Variants in MYO5B observed in about 807,000 individuals in gnomAD.
The protein encoded by MYO5B is myosin VB, also known as unconventional myosin-Vb.
In MYO5B, 143 loss-of-function variants were observed where a neutral mutation model predicts 229.3. The observed-to-expected ratio is 0.62, with a 90% CI of 0.54 to 0.72. The LOEUF is 0.72. Ranked by LOEUF, MYO5B falls within the 30% of genes least tolerant of loss-of-function variation. The probability of loss-of-function intolerance (pLI) is 0.00; values close to 1 mark genes in which losing one functional copy is unlikely to be tolerated. For synonymous variants in MYO5B, 918 were observed against 885.2 expected (o/e 1.04, Z -0.66); for missense variants, 2,321 against 2,331.0 (o/e 1.00, Z 0.09).
At chr18:50,056,104 A>G (rs954790519) in intron 1 of MYO5B, among the ~76,000 whole-genome samples, 29 of 152,170 alleles carry the variant, frequency 1.9e-4, no homozygotes, top group African/African-American at 6.5e-4. Flanking sequence ...CCATAAACCC[A>G]AAACTTTCAC....
At chr18:50,082,116 A>C (rs1245293014) in intron 1 of MYO5B, among the ~76,000 whole-genome samples, 1 of 152,250 alleles carries the variant, frequency 6.6e-6, no homozygotes, top group Non-Finnish European at 1.5e-5. Context: ...TCATAGATTA[A>C]GGTAGCCTCA....
chr18:50,085,535 T>C (rs1202472536), intron 1 of MYO5B, among the ~76,000 whole-genome samples: 1 of 152,010 alleles, frequency 6.6e-6, no homozygotes, highest in Non-Finnish European at 1.5e-5. Context: ...GAACTAGAAA[T>C]ACCATTTGAC....
intron 5 of MYO5B, among the ~76,000 whole-genome samples, chr18:49,995,089 T>C (rs943306374): frequency 1.3e-5 from 2 of 152,044 alleles, no homozygotes; most frequent in African/African-American, 2.4e-5. Context: ...GAATCCAAAG[T>C]CTGCGTTCAT....
chr18:50,110,831 A>C (rs972008914), intron 1 of MYO5B, among the ~76,000 whole-genome samples: 7 of 152,214 alleles, frequency 4.6e-5, no homozygotes, highest in African/African-American at 1.7e-4. Flanking sequence ...GAAAAATAAA[A>C]ATAGAAGCAT....
Position 49,990,442 on chromosome 18 carries a change from G to C in MYO5B, c.835C>G (p.Leu279Val). ...AGGCATGCACCTGTTGACTTACTTA[G>C]TGCAAGCTCTTTAAATTCTGGAAGA... Reference protein sequence around the residue: ...AGLPEFKELALTSAEDFFYTS... With the variant: ...AGLPEFKELAVTSAEDFFYTS... Residue 279 changes from leucine to valine, a missense_variant, in exon 7 of 40, where the codon CTA becomes GTA. Transcript: ENST00000285039. 6.2e-7 allele frequency: 1 copy of C among 1,613,240 alleles called. No individual in the cohort carries two copies. Among genetic ancestry groups the C allele is most frequent in the South Asian group, 1.1e-5 (1 of 91,050 alleles).
At chr18:50,108,342 C>T (rs773084655) in intron 1 of MYO5B, among the ~76,000 whole-genome samples, 2 of 152,228 alleles carry the variant, frequency 1.3e-5, no homozygotes, top group South Asian at 4.1e-4. Flanking sequence ...TAGTTTGAGT[C>T]TTCTGCTCTG....
In MYO5B at chr18:49,837,771, C is replaced by T; in HGVS notation, c.4884G>A (p.Gln1628=). The T allele has an allele frequency of 6.2e-7, 1 of 1,614,168 alleles. No homozygotes were observed. Among genetic ancestry groups the T allele is most frequent in the Non-Finnish European group, 8.5e-7 (1 of 1,180,034 alleles). The change falls in exon 37 of 40, where the codon CAG becomes CAA. Residue 1628 remains glutamine (Q), a synonymous_variant. Coordinates refer to ENST00000285039, the MANE Select transcript of MYO5B (RefSeq NM_001080467.3). ...VSAMLENESI[Q]GLSGVKPTGY... ...CGGTGGGCTTCACACCAGATAGACC[C>T]TGAATGCTCTCATTTTCCAACATGG...
chr18:49,946,662 C>G (rs1260350807), intron 14 of MYO5B, among the ~76,000 whole-genome samples: 2 of 36,952 alleles, frequency 5.4e-5, no homozygotes, highest in African/African-American at 2.4e-4. Flanking sequence ...TGGCACTGTG[C>G]TATAATCTGG....
At chr18:50,009,415 C>T (rs1339458642) in intron 4 of MYO5B, among the ~76,000 whole-genome samples, 1 of 152,096 alleles carries the variant, frequency 6.6e-6, no homozygotes, top group Non-Finnish European at 1.5e-5. Flanking sequence ...GGTATATTTT[C>T]ATGATAAATT....
chr18:50,124,534 A>G (rs1384112043), intron 1 of MYO5B, among the ~76,000 whole-genome samples: 1 of 152,206 alleles, frequency 6.6e-6, no homozygotes, highest in African/African-American at 2.4e-5. Context: ...TTAAAAAGAA[A>G]AAAAAGAAAA....
At chr18:50,104,198 G>A (rs944323750) in intron 1 of MYO5B, among the ~76,000 whole-genome samples, 3 of 120,540 alleles carry the variant, frequency 2.5e-5, no homozygotes, top group African/African-American at 8.9e-5. Context: ...TATACCTAGC[G>A]AGGAGGACAT....
intron 20 of MYO5B, among the ~76,000 whole-genome samples, chr18:49,903,606 A>C (rs1179440101): frequency 6.6e-6 from 1 of 152,146 alleles, no homozygotes; most frequent in East Asian, 1.9e-4. Context: ...GGTGTGCTCC[A>C]CCCTGACCAC....
chr18:50,062,668 C>T (rs528748060), intron 1 of MYO5B, among the ~76,000 whole-genome samples: 17 of 152,290 alleles, frequency 1.1e-4, no homozygotes, highest in Non-Finnish European at 2.1e-4. Flanking sequence ...CTACAGGTAC[C>T]GCTGTCTGAA....
chr18:50,122,632 GGGGAGA>G (rs1160505836), intron 1 of MYO5B, among the ~76,000 whole-genome samples: 10 of 13,376 alleles, frequency 7.5e-4, no homozygotes, highest in Admixed American at 1.8e-3. Context: ...GGGAAGGGGG[GGGGAGA>G]GAGAGAGAGA....
rs1285211839 is a variant in MYO5B, at chr18:50,169,157, A to T, written c.27+25610T>A. Reference sequence around the variant, plus strand: ...CCATGCCTACAAAAAATAAAACTAAAAAAAAGCTAGATGTGGCAGCACATG... The same window carrying T: ...CCATGCCTACAAAAAATAAAACTAATAAAAAGCTAGATGTGGCAGCACATG... On this transcript the variant is annotated intron_variant, in intron 1 of 39. Transcript: ENST00000285039. 8.7e-5 allele frequency among the ~76,000 whole-genome samples: 11 copies of T among 126,094 alleles called. 3 individuals are homozygous for T. Among genetic ancestry groups the T allele is most frequent in the African/African-American group, 3.3e-4 (11 of 33,160 alleles). 82.7% of individuals were successfully genotyped at this position (126,094 alleles called of 152,430 possible). A position where few individuals can be genotyped will look rare whatever the true frequency, so the allele number is the denominator to read the frequency against.
intron 27 of MYO5B, among the ~76,000 whole-genome samples, chr18:49,870,660 A>G (rs886649232): frequency 2.6e-5 from 4 of 152,244 alleles, no homozygotes; most frequent in African/African-American, 9.6e-5. Flanking sequence ...GAAATGGCCA[A>G]TCAACACATG....
chr18:50,018,606 T>C (rs1162959779), intron 4 of MYO5B, among the ~76,000 whole-genome samples: 1 of 152,162 alleles, frequency 6.6e-6, no homozygotes, highest in Non-Finnish European at 1.5e-5. Context: ...ACCCTAGGAA[T>C]AAAGTCCTAT....
intron 1 of MYO5B, among the ~76,000 whole-genome samples, chr18:50,182,850 G>T (rs1422426110): frequency 6.6e-6 from 1 of 152,080 alleles, no homozygotes; most frequent in Non-Finnish European, 1.5e-5. Context: ...GGGGTTGGGG[G>T]GTTGTAGGTA....
chr18:49,911,824 C>T (rs2024961035), intron 18 of MYO5B, among the ~76,000 whole-genome samples: 2 of 152,092 alleles, frequency 1.3e-5, no homozygotes, highest in South Asian at 2.1e-4. Flanking sequence ...AGGAGCGCTG[C>T]CACAGAATTC....
Sources: allele counts gnomAD v4.1 joint callset (sites outside exome capture counted in the v4.1 genomes callset), GRCh38; gene constraint gnomAD v4.1.1; transcripts MANE v1.5; gene names NCBI Gene and HGNC (gene_info 2026-07-23, HGNC 2026-07-21).